Variants in NECTIN1 observed in about 807,000 individuals in gnomAD.
NECTIN1 encodes the protein nectin cell adhesion molecule 1.
NECTIN1 carries 23 observed loss-of-function variants against 48.0 expected under a neutral mutation model. That is an observed-to-expected ratio of 0.48 (90% CI 0.34 to 0.68). The LOEUF (loss-of-function observed/expected upper bound fraction) is 0.68, where lower values mean the gene tolerates loss of function less well. NECTIN1 is among the 30% of genes least tolerant of loss of function. The pLI, the probability that NECTIN1 is intolerant of heterozygous loss-of-function variation, is 0.01. For missense variants in NECTIN1, 591 were observed against 709.9 expected (o/e 0.83, Z 1.90); for synonymous variants, 270 against 288.9 (o/e 0.93, Z 0.66).
intron 5 of NECTIN1, among the ~76,000 whole-genome samples, chr11:119,668,476 A>G (rs1022042914): frequency 2.0e-5 from 3 of 152,010 alleles, no homozygotes; most frequent in African/African-American, 4.8e-5. Context: ...GGTTTGGTCA[A>G]CTCACCTTCC....
intron 1 of NECTIN1, among the ~76,000 whole-genome samples, chr11:119,715,004 G>A (rs1161402914): frequency 6.6e-6 from 1 of 152,144 alleles, no homozygotes; most frequent in Non-Finnish European, 1.5e-5. Context: ...AGGATCACAT[G>A]AGCTCCATGC....
chr11:119,728,266 C>T lies in NECTIN1; in HGVS notation c.79+209G>A, dbSNP rs186021028. On this transcript the variant is annotated intron_variant, in intron 1 of 5. Transcript: ENST00000264025. Reference sequence around the variant, plus strand: ...AAAGTGCTTTCATGCTACATAGAGACGTGCATCTGACTGCTTCCCTGCAGG... The same window carrying T: ...AAAGTGCTTTCATGCTACATAGAGATGTGCATCTGACTGCTTCCCTGCAGG... 3.2e-3 allele frequency among the ~76,000 whole-genome samples: 493 copies of T among 152,366 alleles called. 5 individuals carry two copies. The highest frequency in any genetic ancestry group is 0.011 in the African/African-American group (470 of 41,580).
At chr11:119,667,895 G>A (rs1235065536) in intron 5 of NECTIN1, among the ~76,000 whole-genome samples, 4 of 152,168 alleles carry the variant, frequency 2.6e-5, no homozygotes, top group Non-Finnish European at 5.9e-5. Flanking sequence ...GTGGCCCATG[G>A]AATCTCAAAC....
At chr11:119,715,286 C>A (rs1160267441) in intron 1 of NECTIN1, among the ~76,000 whole-genome samples, 1 of 152,226 alleles carries the variant, frequency 6.6e-6, no homozygotes, top group Non-Finnish European at 1.5e-5. Context: ...CCTTCAGCTG[C>A]AGGCCCAGCT....
Position 119,663,817 on chromosome 11 carries a change from T to G in NECTIN1, c.*930A>C, listed in dbSNP as rs1565382198. On this transcript the variant is annotated 3_prime_UTR_variant, in exon 6 of 6. Transcript: ENST00000264025. Reference sequence around the variant, plus strand: ...CCCAGTCTCAGCTGTCTCTGGAAGCTTCTATAGGCAGACCCCATTCTCAGC... The same window carrying G: ...CCCAGTCTCAGCTGTCTCTGGAAGCGTCTATAGGCAGACCCCATTCTCAGC... The G allele has an allele frequency of 1.0e-6, 1 of 985,386 alleles. No individual in the cohort carries two copies. Among genetic ancestry groups the G allele is most frequent in the Non-Finnish European group, 1.2e-6 (1 of 830,004 alleles). The allele number at this position is 985,386 out of a possible 1,614,324, so 61.0% of individuals were successfully genotyped here.
chr11:119,695,714 A>T (rs1865330751), intron 1 of NECTIN1, among the ~76,000 whole-genome samples: 1 of 152,188 alleles, frequency 6.6e-6, no homozygotes. Flanking sequence ...CCAAAATGAG[A>T]TTCTCTGTAA....
intron 1 of NECTIN1, among the ~76,000 whole-genome samples, chr11:119,699,398 C>G (rs560175584): frequency 3.9e-5 from 6 of 152,310 alleles, no homozygotes; most frequent in African/African-American, 1.4e-4. Flanking sequence ...GCCAACTAGC[C>G]CAGCTCCTCC....
chr11:119,671,770 CG>C (rs1758163013), intron 5 of NECTIN1, among the ~76,000 whole-genome samples: 1 of 152,182 alleles, frequency 6.6e-6, no homozygotes, highest in African/African-American at 2.4e-5. Context: ...AGCTGTGCCT[CG>C]TGTCAGACCA....
chr11:119,713,493 TC>T (rs59217194), intron 1 of NECTIN1: 138,661 of 138,666 alleles, frequency 1, 69,328 homozygotes, highest in Middle Eastern at 1. Context: ...AGTGTTGAGC[TC>T]CCCCAACGTG....
At chr11:119,717,285 C>T (rs139947488) in intron 1 of NECTIN1, among the ~76,000 whole-genome samples, 156 of 152,356 alleles carry the variant, frequency 1.0e-3, no homozygotes, top group African/African-American at 3.6e-3. Context: ...GGGGCTGTCG[C>T]ACACGTTCCC....
At chr11:119,659,759 T>C (rs2135538405), downstream of NECTIN1, among the ~76,000 whole-genome samples, 1 of 152,368 alleles carries the variant, frequency 6.6e-6, no homozygotes, top group South Asian at 2.1e-4. Context: ...GAGAAAGTCT[T>C]GGCTAATTTG....
chr11:119,715,886 A>G (rs1865735805), intron 1 of NECTIN1, among the ~76,000 whole-genome samples: 1 of 152,186 alleles, frequency 6.6e-6, no homozygotes, highest in Non-Finnish European at 1.5e-5. Context: ...CAGAGGTCAG[A>G]GCGTGGATGC....
intron 1 of NECTIN1, among the ~76,000 whole-genome samples, chr11:119,724,964 G>C (rs1028010160): frequency 2.0e-5 from 3 of 152,112 alleles, no homozygotes; most frequent in African/African-American, 7.2e-5. Context: ...AGGTGAATAT[G>C]CTGACACCTC....
chr11:119,652,834 C>T (rs924321948), intron 5 of NECTIN1, among the ~76,000 whole-genome samples: 19 of 152,112 alleles, frequency 1.2e-4, no homozygotes, highest in Non-Finnish European at 1.6e-4. Context: ...AAGTTACATA[C>T]AAGAATGTTT....
intron 1 of NECTIN1, among the ~76,000 whole-genome samples, chr11:119,720,388 C>A (rs557636159): frequency 1.3e-5 from 2 of 152,276 alleles, no homozygotes; most frequent in Non-Finnish European, 2.9e-5. Flanking sequence ...CACGAGCCCA[C>A]GCAATCCTTC....
chr11:119,666,316 C>T (rs955685112), intron 5 of NECTIN1, among the ~76,000 whole-genome samples: 24 of 152,162 alleles, frequency 1.6e-4, no homozygotes, highest in African/African-American at 5.3e-4. Flanking sequence ...CTGTATGCCC[C>T]GTGGACACAG....
Position 119,701,353 on chromosome 11 carries a change from C to T in NECTIN1, c.80-22588G>A, listed in dbSNP as rs539431130. 2.6e-5 allele frequency among the ~76,000 whole-genome samples: 4 copies of T among 152,278 alleles called. No homozygotes were observed. The South Asian group carries it at 8.3e-4, about 32-fold the overall frequency. On this transcript the variant is annotated intron_variant, in intron 1 of 5. Transcript: ENST00000264025. ...AGCAGTGCTTGTCGCAGGCCATCCT[C>T]CCACCAACTCTGAATGAGGTGGGCA...
intron 5 of NECTIN1, among the ~76,000 whole-genome samples, chr11:119,671,710 G>T (rs1240922330): frequency 6.6e-6 from 1 of 152,166 alleles, no homozygotes; most frequent in Non-Finnish European, 1.5e-5. Context: ...AGAGTGGGGA[G>T]GCCTGGGGTC....
intron 1 of NECTIN1, among the ~76,000 whole-genome samples, chr11:119,696,096 A>G (rs745382234): frequency 1.1e-4 from 17 of 152,170 alleles, no homozygotes; most frequent in Non-Finnish European, 2.1e-4. Context: ...TGTCTGGGTA[A>G]GTCTATACAT....
Sources: allele counts gnomAD v4.1 joint callset (sites outside exome capture counted in the v4.1 genomes callset), GRCh38; gene constraint gnomAD v4.1.1; transcripts MANE v1.5; gene names NCBI Gene and HGNC (gene_info 2026-07-23, HGNC 2026-07-21).